The following SPAG16 variants were observed in gnomAD, a reference collection of about 807,000 sequenced individuals.
The protein encoded by SPAG16 is sperm associated antigen 16, also known as sperm-associated antigen 16 protein.
SPAG16 carries 86 observed loss-of-function variants against 80.4 expected under a neutral mutation model. The observed-to-expected ratio is 1.07, with a 90% CI of 0.90 to 1.28. The LOEUF is 1.28. Ranked by LOEUF, SPAG16 falls within the 50% of genes most tolerant of loss-of-function variation. The pLI, the probability that SPAG16 is intolerant of heterozygous loss-of-function variation, is 0.00. For synonymous variants in SPAG16, 294 were observed against 265.9 expected (o/e 1.11, Z -1.03); for missense variants, 870 against 765.3 (o/e 1.14, Z -1.61).
rs2060518381 is a variant in SPAG16, at chr2:213,587,641, C to G, written c.1070+97551C>G. On this transcript the variant is annotated intron_variant, in intron 10 of 15. Coordinates refer to ENST00000331683, the MANE Select transcript of SPAG16 (RefSeq NM_024532.5). ...CCACACCTTAGTATTCTTTCCAGAA[C>G]ACACTTTCTTATTCCTTTTAATATG... is the stretch of plus-strand genomic sequence containing the variant. 4.6e-5 allele frequency among the ~76,000 whole-genome samples: 7 copies of G among 151,286 alleles called. 1 individual carries two copies. Among genetic ancestry groups the G allele is most frequent in the Admixed American group, 4.6e-4 (7 of 15,242 alleles).
At chr2:214,072,509 T>C (rs1006349569) in intron 13 of SPAG16, among the ~76,000 whole-genome samples, 2 of 152,164 alleles carry the variant, frequency 1.3e-5, no homozygotes, top group African/African-American at 2.4e-5. Context: ...TCTTCAGCTA[T>C]ATACCATTTA....
chr2:213,649,709 G>A (rs897628728), intron 10 of SPAG16, among the ~76,000 whole-genome samples: 1 of 151,896 alleles, frequency 6.6e-6, no homozygotes, highest in African/African-American at 2.4e-5. Flanking sequence ...TGAGTAGCTG[G>A]GACCACAGGT....
intron 10 of SPAG16, among the ~76,000 whole-genome samples, chr2:213,717,558 T>C (rs557871360): frequency 6.6e-6 from 1 of 151,940 alleles, no homozygotes; most frequent in Admixed American, 6.6e-5. Flanking sequence ...TTAAACTCTT[T>C]TTTTTTTTAA....
chr2:213,826,037 T>C (rs186575477), intron 10 of SPAG16, among the ~76,000 whole-genome samples: 41 of 152,060 alleles, frequency 2.7e-4, no homozygotes, highest in Non-Finnish European at 4.4e-4. Context: ...TTGAATGTAT[T>C]GGCATATAGT....
intron 13 of SPAG16, among the ~76,000 whole-genome samples, chr2:214,020,660 T>G (rs1394087721): frequency 6.6e-6 from 1 of 152,028 alleles, no homozygotes; most frequent in Non-Finnish European, 1.5e-5. Context: ...AAGGAAAAAA[T>G]GTATGATGAT....
intron 10 of SPAG16, among the ~76,000 whole-genome samples, chr2:213,573,553 A>G (rs901159953): frequency 6.6e-6 from 1 of 152,132 alleles, no homozygotes; most frequent in Non-Finnish European, 1.5e-5. Context: ...TCAGCCATTA[A>G]TTTTCTGCAG....
At chr2:214,384,450 AT>A (rs1241188597) in intron 15 of SPAG16, among the ~76,000 whole-genome samples, 2 of 152,204 alleles carry the variant, frequency 1.3e-5, no homozygotes, top group Admixed American at 1.3e-4. Context: ...CCAGTGTGAC[AT>A]TTTACTCAGG....
At chr2:214,067,035 G>A (rs1034572645) in intron 13 of SPAG16, among the ~76,000 whole-genome samples, 1 of 152,130 alleles carries the variant, frequency 6.6e-6, no homozygotes, top group African/African-American at 2.4e-5. Context: ...TGGGCACAAT[G>A]GCACTGAAGT....
chr2:214,171,354 A>T (rs2125634568), intron 15 of SPAG16, among the ~76,000 whole-genome samples: 1 of 152,044 alleles, frequency 6.6e-6, no homozygotes, highest in South Asian at 2.1e-4. Context: ...CTCCTTTATC[A>T]GTGTTCTTTT....
chr2:214,204,855 A>G (rs1192458094), intron 15 of SPAG16, among the ~76,000 whole-genome samples: 1 of 152,234 alleles, frequency 6.6e-6, no homozygotes. Flanking sequence ...TACCAGAAAA[A>G]GATTTCAGAA....
chr2:213,863,602 C>T (rs147267719), intron 11 of SPAG16, among the ~76,000 whole-genome samples: 53 of 151,830 alleles, frequency 3.5e-4, no homozygotes, highest in Admixed American at 6.6e-4. Flanking sequence ...CAGTGTATTC[C>T]GTATCCAGTA....
Position 213,920,808 on chromosome 2 carries a change from T to C in SPAG16, c.1215-9152T>C, listed in dbSNP as rs114920805. On this transcript the variant is annotated intron_variant, in intron 11 of 15. Coordinates refer to ENST00000331683, the MANE Select transcript of SPAG16 (RefSeq NM_024532.5). Reference sequence around the variant, plus strand: ...TGTCGAGCCTACAGGGATGGACATCTCTTGTCATACTCTGCCACGAGTGCT... The same window carrying C: ...TGTCGAGCCTACAGGGATGGACATCCCTTGTCATACTCTGCCACGAGTGCT... 4.6e-3 allele frequency among the ~76,000 whole-genome samples: 700 copies of C among 152,312 alleles called. 5 individuals carry two copies. The highest frequency in any genetic ancestry group is 0.016 in the African/African-American group (669 of 41,570).
chr2:213,444,738 A>G (rs967936417), intron 9 of SPAG16, among the ~76,000 whole-genome samples: 4 of 152,138 alleles, frequency 2.6e-5, no homozygotes, highest in Non-Finnish European at 5.9e-5. Context: ...AAGAAAAAAA[A>G]TTCTAAAATT....
chr2:214,081,469 A>T (rs2051390251), intron 13 of SPAG16, among the ~76,000 whole-genome samples: 1 of 152,206 alleles, frequency 6.6e-6, no homozygotes, highest in Non-Finnish European at 1.5e-5. Flanking sequence ...TGCTCTCATA[A>T]AAAGAAGAAG....
At chr2:214,133,949 G>A (rs151031542) in intron 14 of SPAG16, among the ~76,000 whole-genome samples, 6 of 152,276 alleles carry the variant, frequency 3.9e-5, no homozygotes, top group African/African-American at 7.2e-5. Context: ...ATTGAGGTAC[G>A]TGGGGAACTT....
intron 9 of SPAG16, 95 bp downstream of exon 9, chr2:213,375,214 G>A: frequency 1.1e-6 from 1 of 883,052 alleles, no homozygotes; most frequent in Non-Finnish European, 1.7e-6. Context: ...ACCGGAAAAG[G>A]AATTTAGAGG....
At chr2:213,931,311 G>A (rs1480163124) in intron 12 of SPAG16, among the ~76,000 whole-genome samples, 1 of 152,080 alleles carries the variant, frequency 6.6e-6, no homozygotes, top group Admixed American at 6.5e-5. Context: ...ACATGACTGT[G>A]AATAACATAT....
chr2:214,141,979 T>TG (rs1559840416), intron 14 of SPAG16, among the ~76,000 whole-genome samples: 1 of 152,202 alleles, frequency 6.6e-6, no homozygotes, highest in Non-Finnish European at 1.5e-5. Context: ...GTTCTGACTG[T>TG]CTTTACATTA....
chr2:214,154,218 C>T (rs149676117), intron 15 of SPAG16, among the ~76,000 whole-genome samples: 1 of 152,204 alleles, frequency 6.6e-6, no homozygotes, highest in African/African-American at 2.4e-5. Context: ...TACTTTTCCA[C>T]GTCTCTCATT....
Sources: gnomAD v4.1 joint callset for allele counts (sites outside exome capture counted in the v4.1 genomes callset) on GRCh38, gnomAD v4.1.1 for gene constraint, MANE v1.5 for transcripts, NCBI Gene and HGNC (gene_info 2026-07-23, HGNC 2026-07-21) for gene names.